The following SBF2 variants were observed in gnomAD, a reference collection of about 807,000 sequenced individuals.
The protein encoded by SBF2 is SET binding factor 2, also known as myotubularin-related protein 13.
SBF2 carries 112 observed loss-of-function variants against 225.2 expected under a neutral mutation model. The ratio of observed to expected loss-of-function variants is 0.50; its 90% CI spans 0.43 to 0.58. The LOEUF is 0.58. Among genes scored for constraint, SBF2 ranks in the 20% least tolerant of loss-of-function variants. The probability of loss-of-function intolerance (pLI) is 0.00; values close to 1 mark genes in which losing one functional copy is unlikely to be tolerated. For missense variants in SBF2, 1,996 were observed against 2,206.2 expected, an observed-to-expected ratio of 0.90 and a Z score of 1.91; for synonymous variants, 763 against 773.3, an observed-to-expected ratio of 0.99 and a Z score of 0.22.
At chr11:10,260,868 A>G (rs1336025634) in intron 1 of SBF2, among the ~76,000 whole-genome samples, 2 of 143,872 alleles carry the variant, frequency 1.4e-5, no homozygotes, top group East Asian at 4.6e-4. Context: ...CAACAGAGAG[A>G]CCCTGCCTCA....
rs945300839 is a variant in SBF2 at position 9,898,355 on chromosome 11, T to C, written c.1861-2344A>G. Among the ~76,000 whole-genome samples the C allele has an allele frequency of 4.7e-5, 7 of 148,360 alleles. No homozygotes were observed. The East Asian group carries it at 9.6e-4, about 20-fold the overall frequency. On this transcript the variant is annotated intron_variant, in intron 16 of 39. Transcript: ENST00000256190. ...AGTTTAGAATTTACTGCATGTTCTATTGCAATGACTACTGAAACAATAATG... is the reference window on the plus strand; with the variant it reads ...AGTTTAGAATTTACTGCATGTTCTACTGCAATGACTACTGAAACAATAATG...
chr11:9,829,669 T>C, intron 27 of SBF2, 173 bp from the exon 28 acceptor site: 1 of 609,402 alleles, frequency 1.6e-6, no homozygotes, highest in Non-Finnish European at 2.9e-6. Flanking sequence ...GTCTATTAAA[T>C]GGCTAATCCT....
At chr11:10,207,581 T>C (rs959402940) in intron 1 of SBF2, among the ~76,000 whole-genome samples, 1 of 152,098 alleles carries the variant, frequency 6.6e-6, no homozygotes, top group East Asian at 1.9e-4. Context: ...CTTGCCTGAT[T>C]TGCAACCTTT....
At chr11:10,232,351 G>T (rs751997981) in intron 1 of SBF2, among the ~76,000 whole-genome samples, 1 of 152,118 alleles carries the variant, frequency 6.6e-6, no homozygotes, top group African/African-American at 2.4e-5. Context: ...TGAGATGAAC[G>T]CGGTACCTCA....
intron 2 of SBF2, among the ~76,000 whole-genome samples, chr11:10,173,167 C>T (rs998873842): frequency 2.6e-5 from 4 of 152,234 alleles, no homozygotes; most frequent in Non-Finnish European, 5.9e-5. Context: ...CCAAGATGGC[C>T]GAATAGGAAC....
At position 9,908,112 on chromosome 11, in the gene SBF2, A is replaced by G. The variant is rs1455826313; in HGVS notation, c.1861-12101T>C. On this transcript the variant is annotated intron_variant, in intron 16 of 39. Transcript: ENST00000256190. ...AGAAACCTTCTAGTGAATTATAAATAATATCCTCAAGAGAGTTTGAAACTA... is the reference window on the plus strand; with the variant it reads ...AGAAACCTTCTAGTGAATTATAAATGATATCCTCAAGAGAGTTTGAAACTA... 3.3e-5 allele frequency among the ~76,000 whole-genome samples: 5 copies of G among 152,232 alleles called. No homozygotes were observed. The East Asian group carries it at 9.6e-4, about 29-fold the overall frequency.
At chr11:9,848,751 G>A (rs751759326) in intron 22 of SBF2, among the ~76,000 whole-genome samples, 164 of 151,918 alleles carry the variant, frequency 1.1e-3, no homozygotes, top group African/African-American at 3.7e-3. Context: ...ATGAAGGAGC[G>A]GGCTAAGACA....
intron 16 of SBF2, among the ~76,000 whole-genome samples, chr11:9,927,771 C>G (rs1864165780): frequency 6.6e-6 from 1 of 152,126 alleles, no homozygotes; most frequent in Non-Finnish European, 1.5e-5. Context: ...TCAAAGGACA[C>G]TTTCATAAAC....
intron 1 of SBF2, among the ~76,000 whole-genome samples, chr11:10,244,141 A>G (rs1009618010): frequency 1.3e-5 from 2 of 152,176 alleles, no homozygotes; most frequent in African/African-American, 4.8e-5. Flanking sequence ...ATAACTCAAG[A>G]CAAGTGATTT....
At chr11:9,953,806 T>C (rs1041482282) in intron 16 of SBF2, among the ~76,000 whole-genome samples, 2 of 152,192 alleles carry the variant, frequency 1.3e-5, no homozygotes, top group African/African-American at 4.8e-5. Flanking sequence ...TAATGGTTTA[T>C]ATTTGTTTGT....
rs1275348560 is a variant in SBF2, at chr11:10,178,418, G to T, written c.141+15484C>A. On this transcript the variant is annotated intron_variant, in intron 2 of 39. Coordinates refer to ENST00000256190, the MANE Select transcript of SBF2 (RefSeq NM_030962.4). ...AGAGTGAACAGGCAACCTACAAAAT[G>T]GGAGAAAATTTTCACAACCTACTCA... 6.0e-3 allele frequency among the ~76,000 whole-genome samples: 834 copies of T among 137,948 alleles called. 6 individuals are homozygous for T. Among genetic ancestry groups the T allele is most frequent in the African/African-American group, 0.019 (659 of 35,188 alleles). 90.5% of individuals were successfully genotyped at this position (137,948 alleles called of 152,430 possible).
intron 16 of SBF2, among the ~76,000 whole-genome samples, chr11:9,922,344 G>A (rs557992066): frequency 5.7e-4 from 87 of 152,214 alleles, no homozygotes; most frequent in Non-Finnish European, 1.1e-3. Context: ...AGTCTATTTG[G>A]ACTCATTTTT....
intron 3 of SBF2, among the ~76,000 whole-genome samples, chr11:10,033,047 T>C (rs531579623): frequency 6.6e-6 from 1 of 152,228 alleles, no homozygotes; most frequent in Non-Finnish European, 1.5e-5. Flanking sequence ...ATAGAGTCCA[T>C]ATGCTCTTGA....
chr11:10,290,641 A>G (rs1964104015), intron 1 of SBF2, among the ~76,000 whole-genome samples: 1 of 152,186 alleles, frequency 6.6e-6, no homozygotes. Flanking sequence ...TACATTCAGG[A>G]TAACAGAAGC....
chr11:9,884,753 T>C (rs1860120028), intron 17 of SBF2, among the ~76,000 whole-genome samples: 1 of 152,230 alleles, frequency 6.6e-6, no homozygotes, highest in Non-Finnish European at 1.5e-5. Context: ...ATTTCTGACT[T>C]TCTGCTTAGA....
intron 16 of SBF2, chr11:9,915,476 T>TTTTTAAAG (rs1863007263): frequency 2.7e-5 from 4 of 150,114 alleles, no homozygotes; most frequent in African/African-American, 4.9e-5. Context: ...AAATTCTAGC[T>TTTTTAAAG]GATAAACTGC....
At chr11:10,265,747 G>A (rs1961918243) in intron 1 of SBF2, among the ~76,000 whole-genome samples, 1 of 152,072 alleles carries the variant, frequency 6.6e-6, no homozygotes, top group Non-Finnish European at 1.5e-5. Flanking sequence ...TACAAGTGGT[G>A]CAATCATGGC....
intron 16 of SBF2, among the ~76,000 whole-genome samples, chr11:9,926,171 T>C (rs1387225676): frequency 6.6e-6 from 1 of 152,198 alleles, no homozygotes. Flanking sequence ...TTTTTCCCTT[T>C]TCACATTGAA....
At chr11:10,142,531 C>T (rs192951684) in intron 2 of SBF2, among the ~76,000 whole-genome samples, 2 of 152,274 alleles carry the variant, frequency 1.3e-5, no homozygotes, top group Admixed American at 1.3e-4. Flanking sequence ...ATACTTTTCT[C>T]AAAGAAGAGT....
Sources: allele counts gnomAD v4.1 joint callset (sites outside exome capture counted in the v4.1 genomes callset), GRCh38; gene constraint gnomAD v4.1.1; transcripts MANE v1.5; gene names NCBI Gene and HGNC (gene_info 2026-07-23, HGNC 2026-07-21).